IL5: variants seen among roughly 807,000 people sequenced by gnomAD.
IL5 encodes interleukin-5.
In IL5, 12 loss-of-function variants were observed where a neutral mutation model predicts 16.3. The ratio of observed to expected loss-of-function variants is 0.74; its 90% confidence interval spans 0.47 to 1.20. The LOEUF (loss-of-function observed/expected upper bound fraction) is 1.20. Among genes scored for constraint, IL5 ranks in the 50% most tolerant of loss-of-function variants. IL5 has a pLI of 0.00. For synonymous variants in IL5, 54 were observed against 56.6 expected (o/e 0.95, Z 0.21); for missense variants, 159 against 153.9 (o/e 1.03, Z -0.17).
intron 1 of IL5, among the ~76,000 whole-genome samples, chr5:132,552,908 G>T (rs1390941116): frequency 1.3e-5 from 2 of 151,970 alleles, no homozygotes; most frequent in African/African-American, 4.8e-5. Context: ...CTAATTTTTT[G>T]CATTTTTAGT....
At chr5:132,548,695 T>A (rs1749834328) in intron 1 of IL5, among the ~76,000 whole-genome samples, 2 of 152,200 alleles carry the variant, frequency 1.3e-5, no homozygotes, top group African/African-American at 4.8e-5. Context: ...TGCAATGGAA[T>A]GACGCCCTAT....
At chr5:132,548,340 G>A (rs113194097), upstream of IL5, among the ~76,000 whole-genome samples, 264 of 151,956 alleles carry the variant, frequency 1.7e-3, 2 homozygotes, top group African/African-American at 6.2e-3. Context: ...TTATTGAATC[G>A]ATCTCTTCAT....
intron 1 of IL5, among the ~76,000 whole-genome samples, chr5:132,550,320 G>C (rs911741715): frequency 6.7e-6 from 1 of 148,694 alleles, no homozygotes; most frequent in East Asian, 2.0e-4. Flanking sequence ...GCAGAAAAAA[G>C]AAATCTTTTT....
chr5:132,554,290 G>T (rs1220047529), intron 1 of IL5, among the ~76,000 whole-genome samples: 1 of 148,034 alleles, frequency 6.8e-6, no homozygotes, highest in Non-Finnish European at 1.5e-5. Flanking sequence ...TCACTTGAAC[G>T]CGGGAGGTGG....
upstream of IL5, among the ~76,000 whole-genome samples, chr5:132,545,286 A>G (rs1302469993): frequency 6.6e-6 from 1 of 152,186 alleles, no homozygotes; most frequent in Non-Finnish European, 1.5e-5. Context: ...GGCTTAGGTG[A>G]AAGTTTCAGG....
intron 1 of IL5, among the ~76,000 whole-genome samples, chr5:132,553,390 TG>T (rs1392421643): frequency 6.6e-6 from 1 of 152,226 alleles, no homozygotes; most frequent in Non-Finnish European, 1.5e-5. Context: ...GAGATAATGT[TG>T]GGTACTTCAT....
At chr5:132,545,783 G>C (rs113508398), upstream of IL5, among the ~76,000 whole-genome samples, 2,292 of 152,254 alleles carry the variant, frequency 0.015, 67 homozygotes, top group African/African-American at 0.053. Flanking sequence ...AGCCAGGCGT[G>C]GTGGTGTGTG....
In IL5 at chr5:132,543,130, G is replaced by C; in HGVS notation, c.145-4C>G. Reference sequence around the variant, plus strand: ...CAGGAACAGGAATCCTCAGAGTCTGGAGAGGAAAGGAAATACAATCATTTT... The same window carrying C: ...CAGGAACAGGAATCCTCAGAGTCTGCAGAGGAAAGGAAATACAATCATTTT... On this transcript the variant is annotated splice_region_variant and splice_polypyrimidine_tract_variant and intron_variant, in intron 1 of 3. Transcript: ENST00000231454. 6.2e-7 allele frequency: 1 copy of C among 1,605,596 alleles called. No individual in the cohort carries two copies. Among genetic ancestry groups the C allele is most frequent in the South Asian group, 1.1e-5 (1 of 90,304 alleles).
chr5:132,554,283 C>T (rs1164034175), intron 1 of IL5, among the ~76,000 whole-genome samples: 1 of 150,690 alleles, frequency 6.6e-6, no homozygotes, highest in Non-Finnish European at 1.5e-5. Context: ...AGAAGAATCA[C>T]TTGAACGCGG....
chr5:132,550,325 CTT>C (rs539567798), intron 1 of IL5, among the ~76,000 whole-genome samples: 28 of 138,070 alleles, frequency 2.0e-4, no homozygotes, highest in Admixed American at 2.2e-4. Context: ...AAAAAGAAAT[CTT>C]TTTTTTTTTT....
At position 132,550,398 on chromosome 5, in the gene IL5, A is replaced by C. The variant is rs539797582; in HGVS notation, c.42+6276T>G. 2.8e-4 allele frequency among the ~76,000 whole-genome samples: 42 copies of C among 149,222 alleles called. 1 individual carries two copies. The highest frequency in any genetic ancestry group is 1.0e-3 in the African/African-American group (42 of 40,176). ...GAGTGCAGTGGCACAATCTCAGCTC[A>C]CTGCAAGCTCCGCCTCCTGGGTTCA... is the stretch of plus-strand genomic sequence containing the variant. On this transcript the variant is annotated intron_variant, in intron 1 of 2. Coordinates refer to the IL5 transcript ENST00000450655.
rs200973512 is a variant in IL5, at chr5:132,541,470, A to T, written c.*341T>A. The stretch of plus-strand genomic sequence containing the variant: ...AACAGTTGTCTATTTTTGTTTTATT[A>T]GAACACAACATAACATTAAATAAAT... On this transcript the variant is annotated 3_prime_UTR_variant, in exon 4 of 4. Transcript: ENST00000231454. 3.1e-4 allele frequency: 65 copies of T among 212,016 alleles called. No homozygotes were observed. Among genetic ancestry groups the T allele is most frequent in the African/African-American group, 1.5e-3 (64 of 42,324 alleles). 13.1% of individuals were successfully genotyped at this position (212,016 alleles called of 1,614,324 possible).
chr5:132,553,807 C>G (rs1465471232), intron 1 of IL5, among the ~76,000 whole-genome samples: 1 of 151,392 alleles, frequency 6.6e-6, no homozygotes, highest in Non-Finnish European at 1.5e-5. Flanking sequence ...CGGTGGCGGG[C>G]GCCTGTAGTC....
At chr5:132,547,712 GCTCT>G (rs1326078862), upstream of IL5, among the ~76,000 whole-genome samples, 1 of 152,204 alleles carries the variant, frequency 6.6e-6, no homozygotes, top group Non-Finnish European at 1.5e-5. Context: ...ACACTGGAAT[GCTCT>G]CTAACAGTCT....
intron 1 of IL5, among the ~76,000 whole-genome samples, chr5:132,553,852 T>C (rs1418278365): frequency 1.4e-5 from 2 of 143,802 alleles, no homozygotes; most frequent in African/African-American, 5.2e-5. Context: ...GGCAGTAGAA[T>C]GGCGTGAACC....
At chr5:132,543,523 A>G (rs868657303), upstream of IL5, 1 of 1,558,808 alleles carries the variant, frequency 6.4e-7, no homozygotes, top group Non-Finnish European at 8.7e-7. Flanking sequence ...GAAAGTGCAT[A>G]GTACAAGACT....
intron 1 of IL5, among the ~76,000 whole-genome samples, chr5:132,551,553 C>T (rs2057687): frequency 0.39 from 55,042 of 139,976 alleles, 12,141 homozygotes; most frequent in Admixed American, 0.49. Context: ...TGTGTGTGTG[C>T]GTGCATGCAT....
chr5:132,549,238 T>C (rs1749844528), intron 1 of IL5, among the ~76,000 whole-genome samples: 2 of 152,174 alleles, frequency 1.3e-5, no homozygotes, highest in African/African-American at 4.8e-5. Context: ...GTATTTTTAG[T>C]AGAGACGGGG....
upstream of IL5, among the ~76,000 whole-genome samples, chr5:132,545,439 G>A (rs1055366737): frequency 6.6e-5 from 10 of 152,012 alleles, no homozygotes; most frequent in Non-Finnish European, 5.9e-5. Flanking sequence ...GATTGCTTGA[G>A]CCCAGGAGTT....
Sources: gnomAD v4.1 joint callset for allele counts (sites outside exome capture counted in the v4.1 genomes callset) on GRCh38, gnomAD v4.1.1 for gene constraint, MANE v1.5 for transcripts, NCBI Gene and HGNC (gene_info 2026-07-23, HGNC 2026-07-21) for gene names.